PCDHA4: variants seen among roughly 807,000 people sequenced by gnomAD.
The protein encoded by PCDHA4 is protocadherin alpha-4.
In PCDHA4, 49 loss-of-function variants were observed where a neutral mutation model predicts 61.4. That is an observed-to-expected ratio of 0.80 (90% CI 0.63 to 1.01). PCDHA4 has a LOEUF of 1.01. PCDHA4 is among the 50% of genes least tolerant of loss of function. PCDHA4 has a pLI of 0.00. For missense variants in PCDHA4, 1,254 were observed against 1,235.8 expected, an observed-to-expected ratio of 1.01 and a Z score of -0.22; for synonymous variants, 590 against 550.3, an observed-to-expected ratio of 1.07 and a Z score of -1.01.
intron 1 of PCDHA4, among the ~76,000 whole-genome samples, chr5:140,955,373 T>C (rs2338310): frequency 0.011 from 1,717 of 152,252 alleles, 30 homozygotes; most frequent in African/African-American, 0.038. Context: ...TGGGAGGTAA[T>C]TGAATCATGG....
chr5:140,841,597 C>A, intron 1 of PCDHA4: 1 of 1,614,076 alleles, frequency 6.2e-7, no homozygotes, highest in Admixed American at 1.7e-5. Flanking sequence ...GGATCGACCG[C>A]GAGGAGCTGT....
chr5:140,818,677 A>G lies in PCDHA4; in HGVS notation c.2385+9105A>G, dbSNP rs2150102036. 2.6e-5 allele frequency among the ~76,000 whole-genome samples: 4 copies of G among 152,324 alleles called. No homozygotes were observed. In the East Asian group the frequency reaches 7.7e-4, roughly 29 times the overall value. On this transcript the variant is annotated intron_variant, in intron 1 of 3. Transcript: ENST00000530339. ...TATAGGGAGACTCCATCTTTACAAA[A>G]AATGAAAAAAATTAGCTAGATGTGG...
At position 140,883,268 on chromosome 5, in the gene PCDHA4, T is replaced by C. The variant is rs782069573; in HGVS notation, c.2385+73696T>C. 3 of 1,613,912 alleles carry C rather than the reference T, an allele frequency of 1.9e-6. No homozygotes were observed. The African/African-American group carries it at 4.0e-5, about 22-fold the overall frequency. On this transcript the variant is annotated intron_variant, in intron 1 of 3. Coordinates refer to ENST00000530339, the MANE Select transcript of PCDHA4 (RefSeq NM_018907.4). ...AGGAAATATTCCAATGGCGGGTCAT[T>C]GTACCCTTTTGGTGGAAGTACTAGA...
In PCDHA4 at chr5:140,994,514, G is replaced by A. The variant is rs186617066; in HGVS notation, c.2533+11951G>A. On this transcript the variant is annotated intron_variant, in intron 3 of 3. Transcript: ENST00000530339. Reference sequence around the variant, plus strand: ...ACCCAGGAGTTTGAGAACAGCCTGGGCAACATGGCAAAACCCCATCTCTAC... The same window carrying A: ...ACCCAGGAGTTTGAGAACAGCCTGGACAACATGGCAAAACCCCATCTCTAC... Among the ~76,000 whole-genome samples, 76 of 150,406 alleles carry A rather than the reference G, an allele frequency of 5.1e-4. 1 individual carries two copies. The highest frequency in any genetic ancestry group is 8.8e-5 in the Non-Finnish European group (6 of 67,822).
At chr5:140,855,274 C>T (rs1395531351) in intron 1 of PCDHA4, among the ~76,000 whole-genome samples, 1 of 149,676 alleles carries the variant, frequency 6.7e-6, no homozygotes, top group Non-Finnish European at 1.5e-5. Flanking sequence ...TTCACTCAAC[C>T]ACCGTATTAC....
chr5:140,864,378 T>C (rs1269675465), intron 1 of PCDHA4: 1 of 152,252 alleles, frequency 6.6e-6, no homozygotes, highest in Non-Finnish European at 1.5e-5. Context: ...ATCGATAAGT[T>C]TATCTCTCAC....
chr5:140,968,832 C>A (rs1554231147), intron 1 of PCDHA4: 1 of 1,614,200 alleles, frequency 6.2e-7, no homozygotes, highest in East Asian at 2.2e-5. Flanking sequence ...AAAATCCTCC[C>A]TGACACTCAG....
intron 1 of PCDHA4, among the ~76,000 whole-genome samples, chr5:140,888,210 T>C (rs1395913579): frequency 6.6e-6 from 1 of 152,082 alleles, no homozygotes; most frequent in East Asian, 1.9e-4. Flanking sequence ...ATGCTGGATT[T>C]TGTGTGTGTG....
chr5:140,838,097 T>G (rs1554136886), intron 1 of PCDHA4, among the ~76,000 whole-genome samples: 1 of 147,214 alleles, frequency 6.8e-6, no homozygotes, highest in African/African-American at 2.6e-5. Context: ...TGTGTGTGTG[T>G]GTGTGTGTGT....
intron 1 of PCDHA4, among the ~76,000 whole-genome samples, chr5:140,946,909 C>G (rs1290458457): frequency 6.6e-6 from 1 of 151,234 alleles, no homozygotes; most frequent in Non-Finnish European, 1.5e-5. Flanking sequence ...AGAATAAGTT[C>G]TGGTGTTTTA....
At position 140,856,759 on chromosome 5, in the gene PCDHA4, C is replaced by A. The variant is rs148775418; in HGVS notation, c.2385+47187C>A. The stretch of plus-strand genomic sequence containing the variant: ...TCCTGGTGTTAGATGCCAATGATAA[C>A]GCCCCTATCTTTGACAGACCGGTTT... On this transcript the variant is annotated intron_variant, in intron 1 of 3. Transcript: ENST00000530339. 2.5e-6 allele frequency: 4 copies of A among 1,596,386 alleles called. 1 individual carries two copies. The highest frequency in any genetic ancestry group is 1.7e-4 in the Middle Eastern group (1 of 5,998).
At chr5:140,947,767 C>A (rs1585277827) in intron 1 of PCDHA4, among the ~76,000 whole-genome samples, 1 of 151,486 alleles carries the variant, frequency 6.6e-6, no homozygotes, top group East Asian at 1.9e-4. Context: ...TTAAAAAATT[C>A]TATTGTAAAT....
intron 1 of PCDHA4, chr5:140,852,540 T>C (rs2042365711): frequency 9.3e-6 from 5 of 536,720 alleles, no homozygotes; most frequent in Non-Finnish European, 1.2e-5. Flanking sequence ...CCTCCCAAAG[T>C]GCTGGGATTA....
At chr5:140,992,187 G>C (rs1395618041) in intron 3 of PCDHA4, among the ~76,000 whole-genome samples, 1 of 152,118 alleles carries the variant, frequency 6.6e-6, no homozygotes, top group Non-Finnish European at 1.5e-5. Flanking sequence ...CATGCTTTCA[G>C]TGATCTATCC....
intron 1 of PCDHA4, among the ~76,000 whole-genome samples, chr5:140,833,925 A>T (rs2150212105): frequency 0.49 from 75,044 of 151,918 alleles, 18,888 homozygotes; most frequent in Middle Eastern, 0.62. Flanking sequence ...GTTTAAATTC[A>T]TGTTGTCACT....
intron 1 of PCDHA4, chr5:140,871,194 G>C (rs1391937650): frequency 3.1e-6 from 5 of 1,613,574 alleles, no homozygotes; most frequent in African/African-American, 1.3e-5. Flanking sequence ...ATGTCAACGT[G>C]TACCTGATCA....
At chr5:140,969,501 A>G (rs2096338220) in intron 1 of PCDHA4, 20 of 1,431,968 alleles carry the variant, frequency 1.4e-5, no homozygotes, top group Non-Finnish European at 1.9e-5. Context: ...CTCTCTAGAA[A>G]AATAGCACTA....
At chr5:140,862,662 C>T in intron 1 of PCDHA4, 1 of 546,862 alleles carries the variant, frequency 1.8e-6, no homozygotes, top group Non-Finnish European at 3.7e-6. Context: ...GGGACCGGGA[C>T]GCGCAGGAGA....
chr5:140,836,508 A>G (rs2150262609), intron 1 of PCDHA4: 1 of 1,613,830 alleles, frequency 6.2e-7, no homozygotes, highest in Non-Finnish European at 8.5e-7. Context: ...CGCGGTGTCC[A>G]GTCTGTTGGT....
Sources: gnomAD v4.1 joint callset for allele counts (sites outside exome capture counted in the v4.1 genomes callset) on GRCh38, gnomAD v4.1.1 for gene constraint, MANE v1.5 for transcripts, NCBI Gene and HGNC (gene_info 2026-07-23, HGNC 2026-07-21) for gene names.